Variants in EFCAB13 observed in about 807,000 individuals in gnomAD.
EFCAB13 encodes EF-hand calcium binding domain 13.
A neutral mutation model predicts 110.2 loss-of-function variants in EFCAB13; 91 were observed. The observed-to-expected ratio is 0.83, with a 90% CI of 0.70 to 0.98. EFCAB13 has a LOEUF of 0.98. Among genes scored for constraint, EFCAB13 ranks in the 50% least tolerant of loss-of-function variants. The pLI is 0.00. For missense variants in EFCAB13, 968 were observed against 1,119.4 expected (o/e 0.86, Z 1.93); for synonymous variants, 323 against 369.9 (o/e 0.87, Z 1.45).
chr17:47,327,540 C>T (rs1007843528), intron 3 of EFCAB13, among the ~76,000 whole-genome samples: 13 of 151,982 alleles, frequency 8.6e-5, no homozygotes, highest in African/African-American at 3.1e-4. Context: ...TCACTGCAAT[C>T]TCCGCCTCCC....
chr17:47,422,890 G>A (rs1301000598), intron 23 of EFCAB13, among the ~76,000 whole-genome samples: 1 of 152,142 alleles, frequency 6.6e-6, no homozygotes, highest in African/African-American at 2.4e-5. Flanking sequence ...TTTTAAATAT[G>A]AGAATAAATG....
At chr17:47,421,784 C>T (rs2040280308) in intron 23 of EFCAB13, among the ~76,000 whole-genome samples, 1 of 152,012 alleles carries the variant, frequency 6.6e-6, no homozygotes, top group African/African-American at 2.4e-5. Flanking sequence ...GAATAAATTC[C>T]TTGAAAAACT....
At position 47,335,241 on chromosome 17, in the gene EFCAB13, G is replaced by C; in HGVS notation, c.76G>C (p.Ala26Pro). 1 of 1,610,216 alleles carries C rather than the reference G, an allele frequency of 6.2e-7. No homozygotes were observed. Among genetic ancestry groups the C allele is most frequent in the South Asian group, 1.1e-5 (1 of 89,728 alleles). Residue 26 changes from alanine (A) to proline (P), a missense_variant, in exon 5 of 25, where the codon GCA becomes CCA. Ala to Pro is a conservative substitution (Grantham distance 27). Transcript: ENST00000331493. ...DLLDDGSNSF[A>P]TDLSSGTINH... ...ATTAGATGATGGCTCTAATTCTTTT[G>C]CAACTGACTTGTCATCAGGAACTAT...
At chr17:47,419,078 A>G (rs1344985699) in intron 23 of EFCAB13, among the ~76,000 whole-genome samples, 5 of 152,210 alleles carry the variant, frequency 3.3e-5, no homozygotes, top group Non-Finnish European at 5.9e-5. Flanking sequence ...TAGAATAACT[A>G]TAAAATCTAG....
At position 47,423,412 on chromosome 17, in the gene EFCAB13, GGGCGTGTTCCCGTC is replaced by G. The variant is rs1352344912; in HGVS notation, c.2495-6402_2495-6389del. On this transcript the variant is annotated intron_variant, in intron 23 of 24. Coordinates refer to ENST00000331493, the MANE Select transcript of EFCAB13 (RefSeq NM_152347.5). ...TTGTTTAAAAATAAAAAAGTTGAGG[GGGCGTGTTCCCGTC>G]GGCTGCGCCCGCGGCCCGGGGCGGA... is the stretch of plus-strand genomic sequence containing the variant. 9.1e-4 allele frequency: 161 copies of G among 176,412 alleles called. 1 individual carries two copies. The highest frequency in any genetic ancestry group is 3.8e-4 in the Non-Finnish European group (32 of 84,410). The allele number at this position is 176,412 out of a possible 1,614,324, so 10.9% of individuals were successfully genotyped here.
intron 9 of EFCAB13, among the ~76,000 whole-genome samples, chr17:47,348,616 C>T (rs982201634): frequency 6.6e-5 from 10 of 151,706 alleles, no homozygotes; most frequent in East Asian, 1.9e-4. Context: ...TTGAATTGAT[C>T]GCCTTTAAAA....
intron 9 of EFCAB13, among the ~76,000 whole-genome samples, chr17:47,349,712 T>C (rs2065437440): frequency 1.3e-5 from 2 of 151,280 alleles, no homozygotes; most frequent in Admixed American, 1.3e-4. Context: ...TTATAGTTAA[T>C]GGAATGCTGG....
intron 2 of EFCAB13, among the ~76,000 whole-genome samples, chr17:47,325,030 C>CCCCCCTTTTTTT (rs1187065378): frequency 8.6e-6 from 1 of 116,714 alleles, no homozygotes; most frequent in African/African-American, 3.1e-5. Flanking sequence ...CCCCACCCCC[C>CCCCCCTTTTTTT]TTTTTTTTTT....
chr17:47,382,528 TC>T (rs2065652578), intron 14 of EFCAB13, among the ~76,000 whole-genome samples: 1 of 152,178 alleles, frequency 6.6e-6, no homozygotes, highest in Non-Finnish European at 1.5e-5. Flanking sequence ...TGATATGTGT[TC>T]CATCAATACC....
rs1044365263 is a variant in EFCAB13 at position 47,409,721 on chromosome 17, T to G, written c.2278+30T>G. 4 of 1,519,168 alleles carry G rather than the reference T, an allele frequency of 2.6e-6. No individual in the cohort carries two copies. The African/African-American group carries it at 4.1e-5, about 16-fold the overall frequency. 94.1% of individuals were successfully genotyped at this position (1,519,168 alleles called of 1,614,324 possible). ...GTAAGAACTTTGTATATGAGAAAAT[T>G]TTCAATAATAAGAGATATTTTTTAG... On this transcript the variant is annotated intron_variant, in intron 21 of 24. Transcript: ENST00000331493.
intron 17 of EFCAB13, among the ~76,000 whole-genome samples, chr17:47,398,111 T>TG (rs1262256739): frequency 8.7e-5 from 10 of 114,458 alleles, no homozygotes; most frequent in South Asian, 6.5e-4. Context: ...GGGAGGGAGG[T>TG]GGGGGGGTCA....
intron 14 of EFCAB13, among the ~76,000 whole-genome samples, chr17:47,390,325 T>TACACACAC (rs111830433): frequency 4.2e-4 from 63 of 150,208 alleles, no homozygotes; most frequent in East Asian, 2.3e-3. Context: ...GTTTTTTTCA[T>TACACACAC]ACACACACAC....
rs371917916 is a variant in EFCAB13 at position 47,370,394 on chromosome 17, A to G, written c.806-43A>G. 9.1e-5 allele frequency: 118 copies of G among 1,300,038 alleles called. 2 individuals are homozygous for G. Among genetic ancestry groups the G allele is most frequent in the Middle Eastern group, 7.3e-4 (4 of 5,458 alleles). 80.5% of individuals were successfully genotyped at this position (1,300,038 alleles called of 1,614,324 possible). A position where few individuals can be genotyped will look rare whatever the true frequency, so the allele number is the denominator to read the frequency against. ...TTAGAATAGGATGGCAGATATATCTATGTTCAAAAGTAAATACAGTATTTG... is the reference window on the plus strand; with the variant it reads ...TTAGAATAGGATGGCAGATATATCTGTGTTCAAAAGTAAATACAGTATTTG... On this transcript the variant is annotated intron_variant, in intron 10 of 24. Coordinates refer to ENST00000331493, the MANE Select transcript of EFCAB13 (RefSeq NM_152347.5).
At chr17:47,433,040 C>G (rs1341640410) in intron 24 of EFCAB13, among the ~76,000 whole-genome samples, 3 of 152,162 alleles carry the variant, frequency 2.0e-5, no homozygotes, top group African/African-American at 7.2e-5. Context: ...TCTTTAATGT[C>G]CCAGATCTAG....
At chr17:47,371,701 C>T (rs1354647810) in intron 11 of EFCAB13, among the ~76,000 whole-genome samples, 2 of 152,162 alleles carry the variant, frequency 1.3e-5, no homozygotes, top group Admixed American at 1.3e-4. Context: ...GCAACCTCTG[C>T]GTCCTGGGTT....
intron 20 of EFCAB13, among the ~76,000 whole-genome samples, chr17:47,405,202 C>T (rs555296602): frequency 6.6e-6 from 1 of 152,122 alleles, no homozygotes; most frequent in Non-Finnish European, 1.5e-5. Context: ...ATTTTGTCCA[C>T]AATACTTTTA....
intron 14 of EFCAB13, among the ~76,000 whole-genome samples, chr17:47,385,017 C>T (rs941696447): frequency 1.6e-4 from 25 of 152,152 alleles, no homozygotes; most frequent in Admixed American, 1.2e-3. Context: ...GTGATCCGCC[C>T]GCCTCGGGCT....
intron 21 of EFCAB13, among the ~76,000 whole-genome samples, chr17:47,412,482 G>A: frequency 6.6e-6 from 1 of 152,158 alleles, no homozygotes; most frequent in East Asian, 1.9e-4. Flanking sequence ...ACATGTACAG[G>A]GAGGCATGTA....
At chr17:47,336,805 G>A (rs567854941) in intron 5 of EFCAB13, among the ~76,000 whole-genome samples, 26 of 151,948 alleles carry the variant, frequency 1.7e-4, no homozygotes, top group African/African-American at 5.3e-4. Context: ...TTTGTTAGTC[G>A]TAGAAGTTCT....
Sources: gnomAD v4.1 joint callset for allele counts (sites outside exome capture counted in the v4.1 genomes callset) on GRCh38, gnomAD v4.1.1 for gene constraint, MANE v1.5 for transcripts, NCBI Gene and HGNC (gene_info 2026-07-23, HGNC 2026-07-21) for gene names.